EFR3B: variants seen among roughly 807,000 people sequenced by gnomAD.
The protein encoded by EFR3B is protein EFR3 homolog B.
Under a neutral mutation model 104.7 loss-of-function variants are expected in EFR3B, and 64 were observed. That is an observed-to-expected ratio of 0.61 (90% CI 0.50 to 0.75). The LOEUF (loss-of-function observed/expected upper bound fraction) is 0.75, where lower values mean the gene tolerates loss of function less well. Among genes scored for constraint, EFR3B ranks in the 30% least tolerant of loss-of-function variants. The pLI, the probability that EFR3B is intolerant of heterozygous loss-of-function variation, is 0.00. For synonymous variants in EFR3B, 385 were observed against 417.9 expected (o/e 0.92, Z 0.96); for missense variants, 750 against 1,078.5 (o/e 0.70, Z 4.27).
rs1671021573 is a variant in EFR3B, at chr2:25,151,956, G to A, written c.2234G>A (p.Arg745Gln). 50 of 1,551,726 alleles carry A rather than the reference G, an allele frequency of 3.2e-5. No individual in the cohort carries two copies. The highest frequency in any genetic ancestry group is 4.1e-5 in the Non-Finnish European group (47 of 1,147,004). ...AVEEQERERR[R>Q]QVVEKFQKAP... Reference sequence around the variant, plus strand: ...GAGGAGCAGGAGCGTGAGCGGCGGCGGCAGGTGGTGGAGAAGTTCCAGAAG... The same window carrying A: ...GAGGAGCAGGAGCGTGAGCGGCGGCAGCAGGTGGTGGAGAAGTTCCAGAAG... Residue 745 changes from arginine (R) to glutamine (Q), a missense_variant, in exon 21 of 23, where the codon CGG becomes CAG. By Grantham distance (43) the Arg-to-Gln change is conservative. Transcript: ENST00000403714.
At chr2:25,110,932 T>C (rs1669709341) in intron 4 of EFR3B, among the ~76,000 whole-genome samples, 2 of 152,256 alleles carry the variant, frequency 1.3e-5, no homozygotes, top group African/African-American at 4.8e-5. Context: ...GCCCCTCTTT[T>C]ATTCATGACA....
intron 1 of EFR3B, chr2:25,080,487 G>A (rs1023953954): frequency 2.1e-6 from 1 of 471,660 alleles, no homozygotes; most frequent in South Asian, 2.8e-5. Flanking sequence ...TAGAGACGGG[G>A]TTTCACCGTG....
intron 4 of EFR3B, among the ~76,000 whole-genome samples, chr2:25,104,183 A>G (rs1669502431): frequency 6.6e-6 from 1 of 151,586 alleles, no homozygotes; most frequent in Non-Finnish European, 1.5e-5. Context: ...CCCCATCTCT[A>G]CTAAAAATAC....
chr2:25,112,962 C>T (rs912211329), intron 4 of EFR3B, among the ~76,000 whole-genome samples: 1 of 143,930 alleles, frequency 6.9e-6, no homozygotes, highest in East Asian at 1.9e-4. Flanking sequence ...GAGAGCTGTT[C>T]CTGCAAGGCC....
chr2:25,085,953 C>T (rs1226793064), intron 1 of EFR3B, among the ~76,000 whole-genome samples: 3 of 151,824 alleles, frequency 2.0e-5, no homozygotes, highest in Non-Finnish European at 4.4e-5. Flanking sequence ...TGGCTCTGCT[C>T]GCCAGAGCAT....
rs541645368 is a variant in EFR3B at position 25,134,334 on chromosome 2, A to AT, written c.1311+907dup. 1.7e-4 allele frequency among the ~76,000 whole-genome samples: 26 copies of AT among 151,932 alleles called. No homozygotes were observed. In the South Asian group the frequency reaches 4.4e-3, roughly 26 times the overall value. On this transcript the variant is annotated intron_variant, in intron 12 of 22. Transcript: ENST00000403714. The stretch of plus-strand genomic sequence containing the variant: ...CGCATGCCACCACCACGCCTAGCTA[A>AT]TTTTTTTGTATTTTTAGTAGAGACG...
In EFR3B at chr2:25,130,617, T is replaced by C. The variant is rs1378515812; in HGVS notation, c.836T>C (p.Met279Thr). 1.3e-6 allele frequency: 2 copies of C among 1,551,664 alleles called. No individual in the cohort carries two copies. Among genetic ancestry groups the C allele is most frequent in the East Asian group, 2.4e-5 (1 of 40,934 alleles). ...VFAIRCFKII[M>T]YSIQPQHSHL... ...GCCATCCGTTGCTTTAAAATCATCA[T>C]GTACTCAATTCAGGTATGGTGGCTC... The change falls in exon 8 of 23, where the codon ATG becomes ACG. Residue 279 changes from methionine to threonine, a missense_variant. Physicochemically the swap from Met to Thr is moderately conservative, Grantham distance 81 (BLOSUM62 -1). Coordinates refer to ENST00000403714, the MANE Select transcript of EFR3B (RefSeq NM_014971.2). The surrounding 1 kb of genome is among the most constrained non-coding windows in gnomAD (Gnocchi z 4.6).
Position 25,133,386 on chromosome 2 carries a change from G to A in EFR3B, c.1263G>A (p.Glu421=), listed in dbSNP as rs1226669378. 3 of 1,552,284 alleles carry A rather than the reference G, an allele frequency of 1.9e-6. No individual in the cohort carries two copies. The African/African-American group carries it at 4.1e-5, about 21-fold the overall frequency. ...HQAVDTGRTG[E]NRNRLTQIML... The stretch of plus-strand genomic sequence containing the variant: ...TGTTTGTGTCTCTGGTCTACAGGGA[G>A]AATAGGAACCGTCTGACCCAGATTA... The change falls in exon 12 of 23, where the codon GAG becomes GAA. Residue 421 remains glutamate (E), a synonymous_variant. Transcript: ENST00000403714.
intron 1 of EFR3B, among the ~76,000 whole-genome samples, chr2:25,046,156 T>C (rs1573157617): frequency 6.6e-6 from 1 of 151,920 alleles, no homozygotes; most frequent in Non-Finnish European, 1.5e-5. Context: ...GAGGCCAGGG[T>C]GGGTGGATCA....
chr2:25,076,820 T>G (rs1668645226), intron 1 of EFR3B, among the ~76,000 whole-genome samples: 1 of 151,988 alleles, frequency 6.6e-6, no homozygotes, highest in African/African-American at 2.4e-5. Context: ...AACGGGTGAG[T>G]GTCTCGGAAG....
In EFR3B at chr2:25,154,264, C is replaced by T. The variant is rs1480822715; in HGVS notation, c.2378C>T (p.Thr793Ile). 2 of 1,551,924 alleles carry T rather than the reference C, an allele frequency of 1.3e-6. No homozygotes were observed. Among genetic ancestry groups the T allele is most frequent in the East Asian group, 4.9e-5 (2 of 40,930 alleles). The change falls in exon 23 of 23, where the codon ACT becomes ATT. Residue 793 changes from threonine (T) to isoleucine (I), a missense_variant. Physicochemically the swap from Thr to Ile is moderately conservative, Grantham distance 89 (BLOSUM62 -1). Transcript: ENST00000403714. This position sits in a 1 kb window ranked among gnomAD's most constrained non-coding sequence, Gnocchi z 4.1. The stretch of plus-strand genomic sequence containing the variant: ...CCACCAAGCCCATCAGGAACCATCA[C>T]TGCAGCCTACGGTCAGCCGCAGAAC... ...RPPPSPSGTITAAYGQPQNHS... is the reference protein window; with the variant it reads ...RPPPSPSGTIIAAYGQPQNHS...
chr2:25,078,953 G>A (rs1247112657), intron 1 of EFR3B, among the ~76,000 whole-genome samples: 3 of 152,088 alleles, frequency 2.0e-5, no homozygotes, highest in Admixed American at 6.5e-5. Flanking sequence ...GAGACTGCGT[G>A]GCTCCCCTAA....
In EFR3B at chr2:25,091,350, A is replaced by T. The variant is rs781380877; in HGVS notation, c.33A>T (p.Leu11=). 6.5e-7 allele frequency: 1 copy of T among 1,549,946 alleles called. No homozygotes were observed. The highest frequency in any genetic ancestry group is 1.2e-5 in the South Asian group (1 of 83,892). MYGVCGCCGA[L]RPRYKRLVDN... ...GTGTGTGTGGCTGCTGTGGTGCCCT[A>T]CGCCCCAGGTACAAAAGGCTGGTTG... The change falls in exon 2 of 23, where the codon CTA becomes CTT. Residue 11 remains leucine, a synonymous_variant. Transcript: ENST00000403714.
rs915214209 is a variant in EFR3B, at chr2:25,131,766, G to A, written c.1002G>A (p.Glu334=). The A allele has an allele frequency of 6.5e-6, 10 of 1,533,174 alleles. No individual in the cohort carries two copies. Among genetic ancestry groups the A allele is most frequent in the Middle Eastern group, 3.4e-4 (2 of 5,904 alleles). 95.0% of individuals were successfully genotyped at this position (1,533,174 alleles called of 1,614,324 possible). Reference sequence around the variant, plus strand: ...CGCTCTCAGGGCCCACAGTACTGGAGATGTTCAACACGCTGCTGAGGCAGC... The same window carrying A: ...CGCTCTCAGGGCCCACAGTACTGGAAATGTTCAACACGCTGCTGAGGCAGC... The part of the protein sequence containing the change: ...ATGSVGPTVL[E]MFNTLLRQLR... Residue 334 remains glutamate, a synonymous_variant, in exon 10 of 23, where the codon GAG becomes GAA. Transcript: ENST00000403714. The surrounding 1 kb of genome is among the most constrained non-coding windows in gnomAD (Gnocchi z 7.6).
chr2:25,086,067 T>C (rs565874150), intron 1 of EFR3B, among the ~76,000 whole-genome samples: 3 of 152,218 alleles, frequency 2.0e-5, no homozygotes, highest in Admixed American at 6.6e-5. Flanking sequence ...TAATATACAT[T>C]TAAGTTTCCT....
chr2:25,060,275 CAT>C (rs1484416180), intron 1 of EFR3B, among the ~76,000 whole-genome samples: 5 of 152,196 alleles, frequency 3.3e-5, no homozygotes, highest in Non-Finnish European at 5.9e-5. Flanking sequence ...TTTTCATACA[CAT>C]GTTATCAGAG....
intron 4 of EFR3B, among the ~76,000 whole-genome samples, chr2:25,119,304 C>A (rs544002195): frequency 6.6e-6 from 1 of 152,326 alleles, no homozygotes; most frequent in Admixed American, 6.5e-5. Context: ...GCATTTAGAA[C>A]CTGCTAGAGC....
intron 17 of EFR3B, among the ~76,000 whole-genome samples, chr2:25,143,202 C>T (rs1044465337): frequency 4.0e-5 from 6 of 151,156 alleles, no homozygotes; most frequent in South Asian, 2.1e-4. Context: ...GGTGACAGAG[C>T]GAGACTCCGT....
At chr2:25,080,847 A>G (rs1024165121) in intron 1 of EFR3B, 4 of 860,006 alleles carry the variant, frequency 4.7e-6, no homozygotes, top group Non-Finnish European at 8.1e-6. Flanking sequence ...ATTTCTTATC[A>G]TGGTTGCATC....
Sources: gnomAD v4.1 joint callset for allele counts (sites outside exome capture counted in the v4.1 genomes callset) on GRCh38, gnomAD v4.1.1 for gene constraint, Gnocchi (gnomAD v3.1) non-coding constraint, MANE v1.5 for transcripts, NCBI Gene and HGNC (gene_info 2026-07-23, HGNC 2026-07-21) for gene names.